The following SRPK2 variants were observed in gnomAD, a reference collection of about 807,000 sequenced individuals.
SRPK2 encodes the protein SRSF protein kinase 2.
In SRPK2, 21 loss-of-function variants were observed where a neutral mutation model predicts 90.8. The observed-to-expected ratio is 0.23, with a 90% CI of 0.16 to 0.33. The LOEUF (loss-of-function observed/expected upper bound fraction) is 0.33. SRPK2 is among the 10% of genes least tolerant of loss of function. SRPK2 has a pLI of 1.00. For missense variants in SRPK2, 620 were observed against 869.0 expected (o/e 0.71, Z 3.60); for synonymous variants, 288 against 311.1 (o/e 0.93, Z 0.78).
chr7:105,258,034 G>A (rs903161440), intron 2 of SRPK2, among the ~76,000 whole-genome samples: 4 of 151,660 alleles, frequency 2.6e-5, no homozygotes, highest in Non-Finnish European at 5.9e-5. Context: ...TTGAACCTAG[G>A]AGACAGTTGC....
At chr7:105,279,708 A>G (rs1024123469) in intron 2 of SRPK2, among the ~76,000 whole-genome samples, 1 of 152,230 alleles carries the variant, frequency 6.6e-6, no homozygotes, top group Non-Finnish European at 1.5e-5. Context: ...CCCGTTAGCA[A>G]TGAAATGTGG....
At chr7:105,143,387 A>G (rs1804083266) in intron 9 of SRPK2, 57 bp from the exon 10 acceptor site, 17 of 1,571,272 alleles carry the variant, frequency 1.1e-5, no homozygotes, top group Admixed American at 1.9e-5. Flanking sequence ...CCACGATAGT[A>G]TAACGACTAG....
intron 2 of SRPK2, among the ~76,000 whole-genome samples, chr7:105,253,297 C>T (rs1802742144): frequency 6.6e-6 from 1 of 152,188 alleles, no homozygotes; most frequent in Non-Finnish European, 1.5e-5. Flanking sequence ...GCAAAGTCTA[C>T]AGCATATCTT....
At chr7:105,340,407 T>TC (rs1202126984) in intron 2 of SRPK2, among the ~76,000 whole-genome samples, 1 of 149,124 alleles carries the variant, frequency 6.7e-6, no homozygotes, top group Non-Finnish European at 1.5e-5. Context: ...TCCTTTTTTT[T>TC]TTTTTTTTTT....
At chr7:105,371,052 A>G (rs142730816) in intron 2 of SRPK2, among the ~76,000 whole-genome samples, 3 of 152,304 alleles carry the variant, frequency 2.0e-5, no homozygotes, top group South Asian at 2.1e-4. Flanking sequence ...AATTCAACAT[A>G]AAGTATTATA....
intron 2 of SRPK2, among the ~76,000 whole-genome samples, chr7:105,274,643 G>GA (rs113747387): frequency 0.44 from 63,498 of 144,128 alleles, 14,803 homozygotes; most frequent in Non-Finnish European, 0.53. Context: ...CTCAAAGAAA[G>GA]AAAAAAAAAA....
chr7:105,240,088 A>G (rs1800616188), intron 2 of SRPK2, among the ~76,000 whole-genome samples: 1 of 152,168 alleles, frequency 6.6e-6, no homozygotes, highest in African/African-American at 2.4e-5. Flanking sequence ...AGAGAAATTT[A>G]TTTCTCACAG....
At chr7:105,362,636 G>A (rs1818566750) in intron 2 of SRPK2, among the ~76,000 whole-genome samples, 1 of 152,050 alleles carries the variant, frequency 6.6e-6, no homozygotes, top group Non-Finnish European at 1.5e-5. Context: ...AAGACAGTGT[G>A]GTGATTTCTC....
intron 11 of SRPK2, among the ~76,000 whole-genome samples, chr7:105,134,439 C>T (rs1401168705): frequency 3.9e-5 from 6 of 152,240 alleles, no homozygotes; most frequent in South Asian, 2.1e-4. Flanking sequence ...GCTTCCTGTA[C>T]AGCCTGTGGA....
At chr7:105,146,469 A>G in intron 8 of SRPK2, 24 bp downstream of exon 8, 1 of 1,611,690 alleles carries the variant, frequency 6.2e-7, no homozygotes, top group East Asian at 2.2e-5. Context: ...CCACACTGAA[A>G]TGAAGCTGGC....
intron 2 of SRPK2, among the ~76,000 whole-genome samples, chr7:105,309,416 G>T (rs928963430): frequency 2.0e-5 from 3 of 152,150 alleles, no homozygotes; most frequent in Non-Finnish European, 4.4e-5. Context: ...TTCAGCTAAA[G>T]GCCTTGAAAA....
At chr7:105,259,395 A>ATT (rs1349490785) in intron 2 of SRPK2, among the ~76,000 whole-genome samples, 2 of 152,248 alleles carry the variant, frequency 1.3e-5, no homozygotes, top group African/African-American at 4.8e-5. Flanking sequence ...ACACCAACAA[A>ATT]TGGAAAAAAC....
At chr7:105,396,774 A>AAAG (rs1554535223) in intron 1 of SRPK2, among the ~76,000 whole-genome samples, 1 of 139,034 alleles carries the variant, frequency 7.2e-6, no homozygotes, top group African/African-American at 2.8e-5. Context: ...GAGAGAAAGA[A>AAAG]AGAGAGAGAA....
intron 7 of SRPK2, among the ~76,000 whole-genome samples, chr7:105,147,585 G>C (rs180675678): frequency 1.5e-3 from 224 of 152,176 alleles, no homozygotes; most frequent in Admixed American, 4.1e-3. Flanking sequence ...CCAAAGTACT[G>C]GGATTACAGG....
intron 12 of SRPK2, 40 bp downstream of exon 12, chr7:105,132,964 G>C: frequency 6.2e-7 from 1 of 1,613,212 alleles, no homozygotes. Context: ...TTCGCACACA[G>C]AATCAAGACC....
At chr7:105,342,405 C>A (rs1393095508) in intron 2 of SRPK2, among the ~76,000 whole-genome samples, 1 of 151,598 alleles carries the variant, frequency 6.6e-6, no homozygotes, top group African/African-American at 2.4e-5. Context: ...TTTGTAGAAT[C>A]TGAAACATTC....
rs35765090 is a variant in SRPK2 at position 105,359,150 on chromosome 7, C to CTTTTTTTTTTTTTTT, written c.71+29483_71+29497dup. 5.5e-5 allele frequency among the ~76,000 whole-genome samples: 3 copies of CTTTTTTTTTTTTTTT among 54,796 alleles called. 1 individual carries two copies. Among genetic ancestry groups the CTTTTTTTTTTTTTTT allele is most frequent in the East Asian group, 7.0e-4 (1 of 1,438 alleles). 35.9% of individuals were successfully genotyped at this position (54,796 alleles called of 152,430 possible). ...CAAACAAACCATATCCAAACCACAG[C>CTTTTTTTTTTTTTTT]TTTTTTTTTTTTTTTTTTTTTTTTT... On this transcript the variant is annotated intron_variant, in intron 2 of 15. Coordinates refer to ENST00000393651, the MANE Select transcript of SRPK2 (RefSeq NM_182692.3).
intron 2 of SRPK2, among the ~76,000 whole-genome samples, chr7:105,256,218 T>C (rs1237251729): frequency 6.6e-6 from 1 of 152,180 alleles, no homozygotes; most frequent in East Asian, 1.9e-4. Context: ...GGCTCACAAA[T>C]TGAGAATCAA....
intron 11 of SRPK2, among the ~76,000 whole-genome samples, chr7:105,139,665 T>C (rs1803411912): frequency 6.6e-6 from 1 of 152,244 alleles, no homozygotes; most frequent in African/African-American, 2.4e-5. Flanking sequence ...TTTACATGGA[T>C]TGTGATGACC....
Sources: gnomAD v4.1 joint callset for allele counts (sites outside exome capture counted in the v4.1 genomes callset) on GRCh38, gnomAD v4.1.1 for gene constraint, MANE v1.5 for transcripts, NCBI Gene and HGNC (gene_info 2026-07-23, HGNC 2026-07-21) for gene names.